The following EYS variants were observed in gnomAD, a reference collection of about 807,000 sequenced individuals.
The protein encoded by EYS is EGF-like photoreceptor maintenance factor, also known as protein eyes shut homolog.
A neutral mutation model predicts 282.1 loss-of-function variants in EYS; 250 were observed. That is an observed-to-expected ratio of 0.89 (90% CI 0.80 to 0.98). The LOEUF is 0.98. Ranked by LOEUF, EYS falls within the 50% of genes least tolerant of loss-of-function variation. The probability of loss-of-function intolerance (pLI) is 0.00; values close to 1 mark genes in which losing one functional copy is unlikely to be tolerated. For synonymous variants in EYS, 1,355 were observed against 1,282.9 expected (o/e 1.06, Z -1.20); for missense variants, 4,016 against 3,709.0 (o/e 1.08, Z -2.15).
intron 22 of EYS, among the ~76,000 whole-genome samples, chr6:64,734,124 GA>G (rs5876917): frequency 0.77 from 113,376 of 147,576 alleles, 44,591 homozygotes; most frequent in South Asian, 0.86. Flanking sequence ...TATTTTAAGG[GA>G]AAAAAAAAAA....
intron 22 of EYS, among the ~76,000 whole-genome samples, chr6:64,650,371 A>G (rs980127416): frequency 3.3e-5 from 5 of 152,028 alleles, no homozygotes; most frequent in African/African-American, 1.2e-4. Context: ...CTAGATTTTT[A>G]GTTGTTGTAT....
intron 28 of EYS, among the ~76,000 whole-genome samples, chr6:64,413,334 C>T (rs967641557): frequency 1.1e-4 from 16 of 152,030 alleles, no homozygotes; most frequent in African/African-American, 3.4e-4. Context: ...ATTAGTCTCC[C>T]GATGCTTCCC....
At position 65,376,636 on chromosome 6, in the gene EYS, T is replaced by C. The variant is rs1765374947; in HGVS notation, c.1299+7750A>G. 2.6e-5 allele frequency among the ~76,000 whole-genome samples: 4 copies of C among 152,212 alleles called. No homozygotes were observed. In the South Asian group the frequency reaches 8.3e-4, roughly 32 times the overall value. On this transcript the variant is annotated intron_variant, in intron 8 of 42. Transcript: ENST00000503581. ...CACTGCATTCAGAAGACCCATCTCA[T>C]ACGCAAAGACATGTATAGGCTCAAA...
intron 33 of EYS, among the ~76,000 whole-genome samples, chr6:64,008,626 C>T (rs944577845): frequency 4.6e-5 from 7 of 152,118 alleles, no homozygotes; most frequent in African/African-American, 1.7e-4. Context: ...CCATATTTAG[C>T]ACTTCCTTAA....
intron 31 of EYS, among the ~76,000 whole-genome samples, chr6:64,135,777 T>A (rs1304889319): frequency 3.9e-5 from 6 of 152,104 alleles, no homozygotes; most frequent in African/African-American, 1.4e-4. Flanking sequence ...TTGAAAATAT[T>A]TCATTGCCAA....
intron 23 of EYS, among the ~76,000 whole-genome samples, chr6:64,621,721 A>G (rs1767451887): frequency 6.6e-6 from 1 of 152,192 alleles, no homozygotes; most frequent in Non-Finnish European, 1.5e-5. Flanking sequence ...AAAATGAACA[A>G]TACTACTTTA....
intron 12 of EYS, among the ~76,000 whole-genome samples, chr6:65,231,085 G>GTATATATATATACTTTTATATATGTATT: frequency 1.1e-5 from 1 of 91,530 alleles, no homozygotes; most frequent in East Asian, 2.8e-4. Context: ...ATATATATGT[G>GTATATATATATACTTTTATATATGTATT]TATATATATA....
At chr6:63,886,114 T>A (rs1217953089) in intron 35 of EYS, among the ~76,000 whole-genome samples, 2 of 152,210 alleles carry the variant, frequency 1.3e-5, no homozygotes, top group African/African-American at 4.8e-5. Context: ...ATGCTTTTAA[T>A]CATGCTTTGA....
chr6:65,514,806 C>G (rs1562234524), intron 2 of EYS, among the ~76,000 whole-genome samples: 1 of 152,144 alleles, frequency 6.6e-6, no homozygotes, highest in Non-Finnish European at 1.5e-5. Context: ...GGATTAAAGA[C>G]TTAAACAATA....
intron 31 of EYS, among the ~76,000 whole-genome samples, chr6:64,098,334 T>C (rs1349867455): frequency 6.6e-6 from 1 of 152,174 alleles, no homozygotes; most frequent in Non-Finnish European, 1.5e-5. Context: ...GGGAAATAAC[T>C]TCTACAAATA....
At chr6:64,566,816 C>T (rs1446420242) in intron 26 of EYS, among the ~76,000 whole-genome samples, 1 of 152,054 alleles carries the variant, frequency 6.6e-6, no homozygotes, top group Non-Finnish European at 1.5e-5. Context: ...CTCTATTGCC[C>T]AGGCTGGAAT....
intron 36 of EYS, among the ~76,000 whole-genome samples, chr6:63,848,709 G>A (rs115246913): frequency 1.9e-3 from 293 of 152,182 alleles, no homozygotes; most frequent in Middle Eastern, 6.8e-3. Context: ...ATTCTCTCAG[G>A]TGCCTACATC....
intron 12 of EYS, among the ~76,000 whole-genome samples, chr6:65,119,630 CTTT>C (rs3036008): frequency 7.4e-6 from 1 of 135,326 alleles, no homozygotes; most frequent in African/African-American, 2.8e-5. Context: ...GCCTTTTTAT[CTTT>C]TTTTTTTTTT....
chr6:64,278,816 T>G (rs1386979644), intron 30 of EYS, among the ~76,000 whole-genome samples: 1 of 151,858 alleles, frequency 6.6e-6, no homozygotes, highest in African/African-American at 2.4e-5. Context: ...CAGGCTGGAG[T>G]GCTGTGAAAT....
At chr6:64,402,984 C>A (rs1237500983) in intron 28 of EYS, among the ~76,000 whole-genome samples, 1 of 151,954 alleles carries the variant, frequency 6.6e-6, no homozygotes. Context: ...GTTAATACTC[C>A]ACATTAATCA....
chr6:63,804,578 C>T (rs1196467523), intron 37 of EYS, among the ~76,000 whole-genome samples: 1 of 152,154 alleles, frequency 6.6e-6, no homozygotes, highest in African/African-American at 2.4e-5. Flanking sequence ...ACCTCTGAGA[C>T]AGGAAAGCAC....
intron 19 of EYS, among the ~76,000 whole-genome samples, chr6:64,831,459 T>G (rs1765214351): frequency 6.6e-6 from 1 of 152,002 alleles, no homozygotes; most frequent in African/African-American, 2.4e-5. Context: ...CTTTTACTGA[T>G]GCTTTATTTT....
chr6:64,224,965 C>T (rs553498802), intron 31 of EYS, among the ~76,000 whole-genome samples: 2 of 152,140 alleles, frequency 1.3e-5, no homozygotes, highest in Admixed American at 1.3e-4. Flanking sequence ...CTTGCACAGG[C>T]AGTGGGTTAG....
chr6:64,468,892 C>T (rs1451546183), intron 26 of EYS, among the ~76,000 whole-genome samples: 2 of 152,120 alleles, frequency 1.3e-5, no homozygotes, highest in Non-Finnish European at 2.9e-5. Flanking sequence ...CTTTCTTTAT[C>T]CAGTCTGCCA....
Sources: allele counts gnomAD v4.1 joint callset (sites outside exome capture counted in the v4.1 genomes callset), GRCh38; gene constraint gnomAD v4.1.1; transcripts MANE v1.5; gene names NCBI Gene and HGNC (gene_info 2026-07-23, HGNC 2026-07-21).